MRPL37: variants seen among roughly 807,000 people sequenced by gnomAD.
MRPL37 encodes the protein mitochondrial ribosomal protein L37.
MRPL37 carries 34 observed loss-of-function variants against 44.1 expected under a neutral mutation model. That is an observed-to-expected ratio of 0.77 (90% CI 0.59 to 1.03). The LOEUF (loss-of-function observed/expected upper bound fraction) is 1.03. Ranked by LOEUF, MRPL37 falls within the 50% of genes least tolerant of loss-of-function variation. The pLI is 0.00. For missense variants in MRPL37, 532 were observed against 543.7 expected (o/e 0.98, Z 0.21); for synonymous variants, 212 against 219.5 (o/e 0.97, Z 0.30).
Position 54,211,992 on chromosome 1 carries a change from A to G in MRPL37, c.833-509A>G, listed in dbSNP as rs202025551. Among the ~76,000 whole-genome samples, 3 of 152,386 alleles carry G rather than the reference A, an allele frequency of 2.0e-5. No individual in the cohort carries two copies. In the South Asian group the frequency reaches 6.2e-4, roughly 32 times the overall value. ...TTGTGTGGGTCAGTTGTGAATGATG[A>G]GGCAAGTCATTTGTCACTAATATTA... On this transcript the variant is annotated intron_variant, in intron 4 of 6. Coordinates refer to ENST00000360840, the MANE Select transcript of MRPL37 (RefSeq NM_016491.4).
downstream of MRPL37, among the ~76,000 whole-genome samples, chr1:54,223,164 A>G (rs562967504): frequency 3.9e-5 from 6 of 152,138 alleles, no homozygotes; most frequent in Non-Finnish European, 5.9e-5. Context: ...TTTTACATCC[A>G]ACCCCCAGCC....
At chr1:54,202,466 C>T (rs567246031) in intron 1 of MRPL37, among the ~76,000 whole-genome samples, 1 of 152,232 alleles carries the variant, frequency 6.6e-6, no homozygotes, top group South Asian at 2.1e-4. Flanking sequence ...CCATCCGAGA[C>T]ATGGTCTCTT....
chr1:54,221,851 C>T (rs1644236915), downstream of MRPL37, among the ~76,000 whole-genome samples: 1 of 150,170 alleles, frequency 6.7e-6, no homozygotes, highest in Non-Finnish European at 1.5e-5. Flanking sequence ...TTAATAAGCA[C>T]CTACTGTGTA....
intron 3 of MRPL37, among the ~76,000 whole-genome samples, chr1:54,208,138 C>T (rs1254626830): frequency 6.6e-6 from 1 of 152,216 alleles, no homozygotes; most frequent in East Asian, 1.9e-4. Flanking sequence ...TCACCTACGT[C>T]TGCATGTAGC....
At chr1:54,218,394 G>C (rs1644212350), downstream of MRPL37, 1 of 1,510,786 alleles carries the variant, frequency 6.6e-7, no homozygotes, top group African/African-American at 1.4e-5. Context: ...GCCTGTGTTT[G>C]GTATGAGGGT....
downstream of MRPL37, among the ~76,000 whole-genome samples, chr1:54,224,265 G>A (rs1644258185): frequency 6.6e-6 from 1 of 152,182 alleles, no homozygotes; most frequent in Non-Finnish European, 1.5e-5. Context: ...CTCAGCAAAA[G>A]CCTAGGAAAC....
chr1:54,212,604 G>A lies in MRPL37; in HGVS notation c.936G>A (p.Lys312=), dbSNP rs751951328. 6.2e-7 allele frequency: 1 copy of A among 1,614,230 alleles called. No homozygotes were observed. Among genetic ancestry groups the A allele is most frequent in the Admixed American group, 1.7e-5 (1 of 60,028 alleles). Residue 312 remains lysine, a synonymous_variant, in exon 5 of 7, where the codon AAG becomes AAA. Coordinates refer to ENST00000360840, the MANE Select transcript of MRPL37 (RefSeq NM_016491.4). The stretch of plus-strand genomic sequence containing the variant: ...TTCAACCAGATCAGCTGCGGGCCAA[G>A]ATGATCCTGTTTGCTTTTGGCAGTG... ...HRLQPDQLRA[K]MILFAFGSAL...
intron 3 of MRPL37, among the ~76,000 whole-genome samples, chr1:54,206,408 G>A (rs1489434957): frequency 2.7e-5 from 4 of 148,404 alleles, no homozygotes; most frequent in African/African-American, 1.0e-4. Context: ...CACAACGCCC[G>A]GCCTGTTTGT....
rs1284097089 is a variant in MRPL37 at position 54,218,276 on chromosome 1, C to T, written c.*27C>T. 6.2e-7 allele frequency: 1 copy of T among 1,614,084 alleles called. No individual in the cohort carries two copies. Among genetic ancestry groups the T allele is most frequent in the Non-Finnish European group, 8.5e-7 (1 of 1,180,010 alleles). On this transcript the variant is annotated 3_prime_UTR_variant, in exon 7 of 7. Coordinates refer to ENST00000360840, the MANE Select transcript of MRPL37 (RefSeq NM_016491.4). ...CGGAGGACCCCTCTGAATCCTGAAA[C>T]CCCTCTTGCCTCTCTTCCACGGAAG...
At position 54,218,216 on chromosome 1, in the gene MRPL37, G is replaced by GTT. The variant is rs1474746576; in HGVS notation, c.1243_1244dup (p.Leu415PhefsTer2). ...GTTTCAAGCCAGAGACATTCAGAAA[G>GTT]TTTTTAGCTCTATATTTGCATGGTG... is the stretch of plus-strand genomic sequence containing the variant. On this transcript the variant is annotated frameshift_variant, in exon 7 of 7. Coordinates refer to ENST00000360840, the MANE Select transcript of MRPL37 (RefSeq NM_016491.4). LOFTEE classifies it high-confidence loss of function. 6.2e-7 allele frequency: 1 copy of GTT among 1,614,234 alleles called. No homozygotes were observed. Among genetic ancestry groups the GTT allele is most frequent in the East Asian group, 2.2e-5 (1 of 44,892 alleles).
intron 1 of MRPL37, among the ~76,000 whole-genome samples, chr1:54,203,467 C>CTTTT (rs780467512): frequency 4.6e-4 from 45 of 98,878 alleles, no homozygotes; most frequent in Non-Finnish European, 5.1e-4. Flanking sequence ...ACTTCATTTA[C>CTTTT]TTTTTTTTTT....
At chr1:54,212,745 A>T in intron 5 of MRPL37, 87 bp downstream of exon 5, 1 of 1,544,780 alleles carries the variant, frequency 6.5e-7, no homozygotes, top group Non-Finnish European at 8.8e-7. Context: ...GAAAAGGGAT[A>T]TAGGGGAACT....
chr1:54,218,279 C>T lies in MRPL37; in HGVS notation c.*30C>T. 6.2e-7 allele frequency: 1 copy of T among 1,614,040 alleles called. No homozygotes were observed. Among genetic ancestry groups the T allele is most frequent in the Non-Finnish European group, 8.5e-7 (1 of 1,180,004 alleles). Reference sequence around the variant, plus strand: ...AGGACCCCTCTGAATCCTGAAACCCCTCTTGCCTCTCTTCCACGGAAGAGG... The same window carrying T: ...AGGACCCCTCTGAATCCTGAAACCCTTCTTGCCTCTCTTCCACGGAAGAGG... On this transcript the variant is annotated 3_prime_UTR_variant, in exon 7 of 7. Transcript: ENST00000360840.
chr1:54,200,230 G>T lies in MRPL37; in HGVS notation c.-14G>T. On this transcript the variant is annotated 5_prime_UTR_variant, in exon 1 of 7. Transcript: ENST00000360840. Reference sequence around the variant, plus strand: ...GCGGGGTCCAGGTGGAGGTCTTGAGGCTATCAGATCGGTATGGCATTGGCG... The same window carrying T: ...GCGGGGTCCAGGTGGAGGTCTTGAGTCTATCAGATCGGTATGGCATTGGCG... 1 of 1,547,376 alleles carries T rather than the reference G, an allele frequency of 6.5e-7. No homozygotes were observed. Among genetic ancestry groups the T allele is most frequent in the Non-Finnish European group, 8.7e-7 (1 of 1,152,836 alleles).
chr1:54,202,294 C>T (rs372809805), intron 1 of MRPL37, among the ~76,000 whole-genome samples: 7 of 151,558 alleles, frequency 4.6e-5, no homozygotes, highest in Non-Finnish European at 8.8e-5. Context: ...GAGCCACTGC[C>T]CCTGCCCAAA....
At chr1:54,219,281 A>G (rs1233886811), downstream of MRPL37, among the ~76,000 whole-genome samples, 1 of 152,214 alleles carries the variant, frequency 6.6e-6, no homozygotes, top group African/African-American at 2.4e-5. Context: ...CTGCTGAGGG[A>G]CTGCTGAGAG....
chr1:54,212,431 G>T, intron 4 of MRPL37, 70 bp from the exon 5 acceptor site: 1 of 1,566,842 alleles, frequency 6.4e-7, no homozygotes, highest in Non-Finnish European at 8.7e-7. Context: ...AAGGCGAGGT[G>T]ACTTTCCTGA....
intron 6 of MRPL37, among the ~76,000 whole-genome samples, chr1:54,216,633 C>T (rs554198056): frequency 2.5e-4 from 38 of 152,304 alleles, no homozygotes; most frequent in African/African-American, 8.9e-4. Flanking sequence ...AGGTGCTGCT[C>T]CTTTTGTCTG....
chr1:54,205,421 T>C lies in MRPL37; in HGVS notation c.646+11T>C. The C allele has an allele frequency of 6.2e-7, 1 of 1,604,618 alleles. No individual in the cohort carries two copies. Among genetic ancestry groups the C allele is most frequent in the East Asian group, 2.2e-5 (1 of 44,822 alleles). ...CTACCTGGAACCGAGGTTGGTCATC[T>C]TGTACACCAGAAAGCCTTGGTCTGT... On this transcript the variant is annotated intron_variant, in intron 3 of 6. Transcript: ENST00000360840.
Sources: gnomAD v4.1 joint callset for allele counts (sites outside exome capture counted in the v4.1 genomes callset) on GRCh38, gnomAD v4.1.1 for gene constraint, MANE v1.5 for transcripts, NCBI Gene and HGNC (gene_info 2026-07-23, HGNC 2026-07-21) for gene names.